Variants in DCLK1 observed in about 807,000 individuals in gnomAD.
DCLK1 encodes the protein doublecortin like kinase 1.
In DCLK1, 16 loss-of-function variants were observed where a neutral mutation model predicts 86.2. The ratio of observed to expected loss-of-function variants is 0.19; its 90% CI spans 0.13 to 0.28. The LOEUF is 0.28. Among genes scored for constraint, DCLK1 ranks in the 10% least tolerant of loss-of-function variants. The probability of loss-of-function intolerance (pLI) is 1.00; values close to 1 mark genes in which losing one functional copy is unlikely to be tolerated. For synonymous variants in DCLK1, 369 were observed against 370.5 expected (o/e 1.00, Z 0.05); for missense variants, 590 against 940.2 (o/e 0.63, Z 4.87).
At chr13:35,792,312 C>A (rs921118992) in intron 16 of DCLK1, among the ~76,000 whole-genome samples, 6 of 152,108 alleles carry the variant, frequency 3.9e-5, no homozygotes, top group Admixed American at 3.3e-4. Context: ...ATCAAATACT[C>A]AGTAACCCAG....
At chr13:36,124,236 C>T (rs570701372) in intron 2 of DCLK1, among the ~76,000 whole-genome samples, 1 of 152,304 alleles carries the variant, frequency 6.6e-6, no homozygotes, top group African/African-American at 2.4e-5. Context: ...TTCATTTAAC[C>T]TTGGATTTCC....
At chr13:35,974,725 G>A (rs1009913810) in intron 3 of DCLK1, among the ~76,000 whole-genome samples, 4 of 152,104 alleles carry the variant, frequency 2.6e-5, no homozygotes, top group African/African-American at 9.7e-5. Context: ...ACAGAATCAT[G>A]AGCCAACTAA....
chr13:36,097,169 C>T (rs1175171064), intron 3 of DCLK1, among the ~76,000 whole-genome samples: 2 of 152,118 alleles, frequency 1.3e-5, no homozygotes, highest in Admixed American at 1.3e-4. Context: ...ATGAGGTCAA[C>T]ATTTAAAAGC....
At position 35,842,898 on chromosome 13, in the gene DCLK1, C is replaced by T. The variant is rs187610652; in HGVS notation, c.1036-3722G>A. 4.9e-4 allele frequency among the ~76,000 whole-genome samples: 75 copies of T among 152,288 alleles called. No homozygotes were observed. The East Asian group carries it at 0.011, about 23-fold the overall frequency. ...CAGGATGGCTCTTTGGGTAATCCAC[C>T]AATTCTTCACTAAACCACCTAAATA... On this transcript the variant is annotated intron_variant, in intron 6 of 16. Coordinates refer to ENST00000360631, the MANE Select transcript of DCLK1 (RefSeq NM_001330071.2).
chr13:35,833,595 G>A (rs767406213), intron 8 of DCLK1, among the ~76,000 whole-genome samples: 1 of 152,182 alleles, frequency 6.6e-6, no homozygotes, highest in Non-Finnish European at 1.5e-5. Context: ...ACCACAGAAA[G>A]ACATCGTTAT....
intron 4 of DCLK1, among the ~76,000 whole-genome samples, chr13:35,878,910 T>C (rs1331804887): frequency 6.6e-6 from 1 of 152,046 alleles, no homozygotes; most frequent in East Asian, 1.9e-4. Context: ...CTCAGCCTCC[T>C]GAGCCACTGG....
chr13:35,907,585 G>A (rs1341264246), intron 4 of DCLK1, among the ~76,000 whole-genome samples: 1 of 152,296 alleles, frequency 6.6e-6, no homozygotes, highest in Non-Finnish European at 1.5e-5. Context: ...ATTTAATTTA[G>A]AGATTTGTTT....
rs563168432 is a variant in DCLK1 at position 35,881,819 on chromosome 13, G to A, written c.824-10479C>T. ...GTTGAGGGGCATGTCGTGTGAAATA[G>A]GCCCACCTTTATCTTCTAGAATCAT... On this transcript the variant is annotated intron_variant, in intron 4 of 16. Coordinates refer to ENST00000360631, the MANE Select transcript of DCLK1 (RefSeq NM_001330071.2). 3.3e-5 allele frequency among the ~76,000 whole-genome samples: 5 copies of A among 152,218 alleles called. No homozygotes were observed. In the South Asian group the frequency reaches 8.3e-4, roughly 25 times the overall value.
intron 9 of DCLK1, 55 bp from the exon 10 acceptor site, chr13:35,827,809 A>G: frequency 6.2e-7 from 1 of 1,602,112 alleles, no homozygotes; most frequent in Non-Finnish European, 8.5e-7. Flanking sequence ...TGGAGGGCTA[A>G]CTCAAATGAG....
At chr13:35,872,684 T>C (rs879671450) in intron 4 of DCLK1, among the ~76,000 whole-genome samples, 2 of 152,068 alleles carry the variant, frequency 1.3e-5, no homozygotes, top group Admixed American at 6.5e-5. Context: ...AAATTATAAA[T>C]TCAAAATTTA....
At chr13:36,067,512 A>G (rs1282339654) in intron 3 of DCLK1, among the ~76,000 whole-genome samples, 2 of 150,822 alleles carry the variant, frequency 1.3e-5, no homozygotes, top group Non-Finnish European at 3.0e-5. Flanking sequence ...TACATATGTA[A>G]CTAACCTGCA....
At chr13:35,821,990 T>C (rs952590835) in intron 11 of DCLK1, among the ~76,000 whole-genome samples, 2 of 152,108 alleles carry the variant, frequency 1.3e-5, no homozygotes, top group African/African-American at 4.8e-5. Context: ...GTTTTTATGC[T>C]AAGGGGCTAG....
chr13:36,093,224 C>A (rs1441580115), intron 3 of DCLK1, among the ~76,000 whole-genome samples: 1 of 152,148 alleles, frequency 6.6e-6, no homozygotes, highest in Non-Finnish European at 1.5e-5. Flanking sequence ...TGGCAGTGTA[C>A]CATATTTGCA....
chr13:35,890,558 A>G (rs1001291090), intron 4 of DCLK1, among the ~76,000 whole-genome samples: 1 of 152,152 alleles, frequency 6.6e-6, no homozygotes, highest in African/African-American at 2.4e-5. Context: ...AACCTTATAA[A>G]ATACTTTGGT....
intron 4 of DCLK1, among the ~76,000 whole-genome samples, chr13:35,880,649 G>C (rs1382354521): frequency 6.6e-6 from 1 of 152,150 alleles, no homozygotes; most frequent in Non-Finnish European, 1.5e-5. Flanking sequence ...CTAAATGCAA[G>C]TGTAGTTGGT....
intron 4 of DCLK1, among the ~76,000 whole-genome samples, chr13:35,878,973 A>G (rs1872736013): frequency 6.6e-6 from 1 of 152,120 alleles, no homozygotes; most frequent in East Asian, 1.9e-4. Context: ...ATTAGTAGAG[A>G]TGGGGTTTCA....
At chr13:35,992,948 C>G (rs1489963619) in intron 3 of DCLK1, among the ~76,000 whole-genome samples, 1 of 152,166 alleles carries the variant, frequency 6.6e-6, no homozygotes, top group African/African-American at 2.4e-5. Flanking sequence ...ACACATGAAG[C>G]TACTGCTCTG....
chr13:36,061,310 G>A (rs564904468), intron 3 of DCLK1, among the ~76,000 whole-genome samples: 13 of 152,028 alleles, frequency 8.6e-5, no homozygotes, highest in Non-Finnish European at 1.6e-4. Flanking sequence ...CAGCACATTC[G>A]AGAAGAAAAA....
At chr13:36,028,835 T>C (rs1275279245) in intron 3 of DCLK1, among the ~76,000 whole-genome samples, 1 of 152,190 alleles carries the variant, frequency 6.6e-6, no homozygotes, top group African/African-American at 2.4e-5. Flanking sequence ...TGCATTAGCA[T>C]GTTAAGAGAA....
Sources: allele counts gnomAD v4.1 joint callset (sites outside exome capture counted in the v4.1 genomes callset), GRCh38; gene constraint gnomAD v4.1.1; transcripts MANE v1.5; gene names NCBI Gene and HGNC (gene_info 2026-07-23, HGNC 2026-07-21).